Variants in MATK observed in about 807,000 individuals in gnomAD.
MATK encodes the protein megakaryocyte-associated tyrosine-protein kinase.
MATK carries 41 observed loss-of-function variants against 59.8 expected under a neutral mutation model. That is an observed-to-expected ratio of 0.69 (90% confidence interval 0.53 to 0.89). MATK has a LOEUF of 0.89. MATK is among the 40% of genes least tolerant of loss of function. The pLI, the probability that MATK is intolerant of heterozygous loss-of-function variation, is 0.00. For synonymous variants in MATK, 308 were observed against 306.1 expected (o/e 1.01, Z -0.06); for missense variants, 593 against 719.6 (o/e 0.82, Z 2.01).
chr19:3,785,321 G>A, intron 1 of MATK, 35 bp from the exon 2 acceptor site: 2 of 1,352,798 alleles, frequency 1.5e-6, no homozygotes, highest in African/African-American at 1.5e-5. Context: ...GGGGAAATAG[G>A]GATGAGTCAA....
intron 1 of MATK, among the ~76,000 whole-genome samples, chr19:3,791,935 C>G (rs2037546250): frequency 6.6e-6 from 1 of 152,000 alleles, no homozygotes; most frequent in South Asian, 2.1e-4. Context: ...TGGCAAAACC[C>G]CGTCTCTACT....
At chr19:3,782,807 A>C in intron 7 of MATK, 1 of 394,722 alleles carries the variant, frequency 2.5e-6, no homozygotes, top group Admixed American at 4.2e-5. Flanking sequence ...AGGGGAGGGG[A>C]GAAGATTCAC....
Position 3,779,418 on chromosome 19 carries a change from G to A in MATK, c.961C>T (p.Arg321Ter), listed in dbSNP as rs1319624554. Residue 321 changes from arginine to a stop codon, truncating the protein, a stop_gained, in exon 11 of 14, where the codon CGA (arginine) becomes TGA (stop). Transcript: ENST00000310132. LOFTEE classifies it high-confidence loss of function. Reference sequence around the variant, plus strand: ...AGCTGAGCGGTGTTCACGAGGGCTCGACCCCGGGTCCGCAGAAAGTTCACC... The same window carrying A: ...AGCTGAGCGGTGTTCACGAGGGCTCAACCCCGGGTCCGCAGAAAGTTCACC... ...NLVNFLRTRG[R>*]ALVNTAQLLQ... The A allele has an allele frequency of 1.9e-6, 3 of 1,613,272 alleles. No homozygotes were observed. Among genetic ancestry groups the A allele is most frequent in the Non-Finnish European group, 2.5e-6 (3 of 1,180,008 alleles).
chr19:3,793,190 T>G (rs1321543591), intron 1 of MATK: 1 of 152,224 alleles, frequency 6.6e-6, no homozygotes, highest in East Asian at 1.9e-4. Flanking sequence ...TCCTCGTCCT[T>G]AAGACGCAGC....
intron 1 of MATK, among the ~76,000 whole-genome samples, chr19:3,798,728 T>G (rs1221284893): frequency 6.6e-6 from 1 of 151,332 alleles, no homozygotes; most frequent in African/African-American, 2.4e-5. Flanking sequence ...GTCAGGCTGG[T>G]CCTGAACTCC....
In MATK at chr19:3,784,000, A is replaced by T. The variant is rs1412155491; in HGVS notation, c.396T>A (p.Ala132=). 2.5e-6 allele frequency: 4 copies of T among 1,610,208 alleles called. No individual in the cohort carries two copies. The African/African-American group carries it at 5.3e-5, about 22-fold the overall frequency. Residue 132 remains alanine (A), a synonymous_variant, in exon 6 of 14, where the codon GCT becomes GCA. Transcript: ENST00000310132. ...WFHGKISGQE[A]VQQLQPPEDG... ...CCTCGGGAGGCTGCAGCTGCTGGAC[A>T]GCCTCCTGGCCCGAGATCTTCCCGT...
chr19:3,780,341 C>A (rs938113884), intron 8 of MATK, among the ~76,000 whole-genome samples: 3 of 152,150 alleles, frequency 2.0e-5, no homozygotes, highest in Non-Finnish European at 4.4e-5. Flanking sequence ...GGTCTGTGAA[C>A]CCCCACCCCC....
chr19:3,788,097 T>TTTATATTATATTATA (rs71166928), upstream of MATK, among the ~76,000 whole-genome samples: 356 of 133,756 alleles, frequency 2.7e-3, no homozygotes, highest in Admixed American at 4.3e-3. Context: ...ATTATTAATA[T>TTTATATTATATTATA]TTATATTATA....
chr19:3,779,458 G>C lies in MATK; in HGVS notation c.928-7C>G, dbSNP rs201896435. ...GAAAGTTCACCAGGTTGCCCTGTTG[G>C]GGGTGGGAGATGGCCGCGGGATGTT... On this transcript the variant is annotated splice_region_variant and splice_polypyrimidine_tract_variant and intron_variant, in intron 10 of 13. Coordinates refer to ENST00000310132, the MANE Select transcript of MATK (RefSeq NM_139355.3). 64 of 1,613,072 alleles carry C rather than the reference G, an allele frequency of 4.0e-5. No individual in the cohort carries two copies. The East Asian group carries it at 1.1e-3, about 29-fold the overall frequency.
chr19:3,778,841 G>A (rs1468355379), intron 12 of MATK, 151 bp downstream of exon 12: 11 of 873,458 alleles, frequency 1.3e-5, no homozygotes, highest in Non-Finnish European at 1.5e-5. Context: ...CCCAGAGGGG[G>A]GCTACGAGGA....
rs2037482084 is a variant in MATK, at chr19:3,786,228, GCCGGCTGCACACCCCGAGGCGGTC to G, written c.-235_-212del. ...CCCGCCCCCAGGAGGGCCTCCGCGA[GCCGGCTGCACACCCCGAGGCGGTC>G]CCGGCTGCACAACTTGGAGCGAGTT... is the stretch of plus-strand genomic sequence containing the variant. On this transcript the variant is annotated 5_prime_UTR_variant, in exon 1 of 14. Transcript: ENST00000310132. The surrounding 1 kb of genome is among the most constrained non-coding windows in gnomAD (Gnocchi z 4.1). The G allele has an allele frequency of 3.0e-6, 3 of 985,278 alleles. No individual in the cohort carries two copies. The highest frequency in any genetic ancestry group is 3.5e-5 in the African/African-American group (2 of 57,320). 61.0% of individuals were successfully genotyped at this position (985,278 alleles called of 1,614,324 possible). A position where few individuals can be genotyped will look rare whatever the true frequency, so the allele number is the denominator to read the frequency against.
upstream of MATK, chr19:3,789,205 G>A: frequency 1.4e-6 from 1 of 721,828 alleles, no homozygotes; most frequent in Non-Finnish European, 2.6e-6. Flanking sequence ...ACCATCACTT[G>A]CCTGAACTAG....
intron 8 of MATK, 62 bp downstream of exon 8, chr19:3,781,545 C>A: frequency 6.4e-7 from 1 of 1,556,814 alleles, no homozygotes. Context: ...CTCTGTGACT[C>A]CAAAGCCTCA....
chr19:3,778,384 G>T lies in MATK; in HGVS notation c.1323C>A (p.Tyr441Ter). The change falls in exon 14 of 14, where the codon TAC becomes TAA. Residue 441 changes from tyrosine to a stop codon, truncating the protein, a stop_gained. Coordinates refer to ENST00000310132, the MANE Select transcript of MATK (RefSeq NM_139355.3). LOFTEE classifies it low-confidence loss of function (END_TRUNC). ...GACAGCCCTCGGGGGGTTCCATGCG[G>T]TACCCCTTCTCCACGGCCTCCGACA... ...KEVSEAVEKG[Y>*]RMEPPEGCPG... 1 of 1,611,476 alleles carries T rather than the reference G, an allele frequency of 6.2e-7. No homozygotes were observed. Among genetic ancestry groups the T allele is most frequent in the Non-Finnish European group, 8.5e-7 (1 of 1,179,306 alleles).
chr19:3,778,016 C>T lies in MATK; in HGVS notation c.*167G>A, dbSNP rs2037338955. The T allele has an allele frequency of 1.1e-6, 1 of 887,482 alleles. No individual in the cohort carries two copies. The highest frequency in any genetic ancestry group is 1.8e-5 in the African/African-American group (1 of 56,496). The allele number at this position is 887,482 out of a possible 1,614,324, so 55.0% of individuals were successfully genotyped here. ...TATCGGGCGATCATCCTTCGCAGGTCTGGGGTGTCCACGGGCCGCCCAGAG... is the reference window on the plus strand; with the variant it reads ...TATCGGGCGATCATCCTTCGCAGGTTTGGGGTGTCCACGGGCCGCCCAGAG... On this transcript the variant is annotated 3_prime_UTR_variant, in exon 14 of 14. Coordinates refer to ENST00000310132, the MANE Select transcript of MATK (RefSeq NM_139355.3).
chr19:3,799,161 G>C lies in MATK; in HGVS notation c.-58+2371C>G, dbSNP rs531560966. ...TGCCCTCCATGGCGCCTGGGTCCCT[G>C]TGCCTGAACCTTTCTGTGCAGCAAG... On this transcript the variant is annotated intron_variant, in intron 1 of 13. Transcript: ENST00000395045. 1.3e-4 allele frequency among the ~76,000 whole-genome samples: 20 copies of C among 152,174 alleles called. No homozygotes were observed. In the South Asian group the frequency reaches 2.1e-3, roughly 16 times the overall value.
chr19:3,796,946 C>A (rs955943009), intron 1 of MATK, among the ~76,000 whole-genome samples: 1 of 152,072 alleles, frequency 6.6e-6, no homozygotes, highest in Non-Finnish European at 1.5e-5. Context: ...CTTTGCCTGT[C>A]CCATGGTTAA....
rs1427032030 is a variant in MATK, at chr19:3,783,933, C to T, written c.463G>A (p.Asp155Asn). Reference protein sequence around the residue: ...LVRESARHPGDYVLCVSFGRD... With the variant: ...LVRESARHPGNYVLCVSFGRD... ...CCAAAGCTCACGCACAGGACGTAGT[C>T]GCCGGGGTGGCGCGCGGACTCCCGC... Residue 155 changes from aspartate to asparagine, a missense_variant, in exon 6 of 14, where the codon GAC (aspartate) becomes AAC (asparagine). By Grantham distance (23) the Asp-to-Asn change is conservative. Transcript: ENST00000310132. 6.2e-6 allele frequency: 10 copies of T among 1,612,618 alleles called. No individual in the cohort carries two copies. The highest frequency in any genetic ancestry group is 2.2e-5 in the East Asian group (1 of 44,888).
At position 3,779,799 on chromosome 19, in the gene MATK, TG is replaced by T. The variant is rs780756686; in HGVS notation, c.743-3del. 1.4e-5 allele frequency: 22 copies of T among 1,544,000 alleles called. No individual in the cohort carries two copies. The African/African-American group carries it at 2.2e-4, about 15-fold the overall frequency. On this transcript the variant is annotated splice_polypyrimidine_tract_variant and splice_region_variant and intron_variant, in intron 8 of 13. Coordinates refer to ENST00000310132, the MANE Select transcript of MATK (RefSeq NM_139355.3). ...CCAGGTACTCACCCTGCAGGACAGC[TG>T]GGGGGTGGGGGTGGGGAACGGGGTG... is the stretch of plus-strand genomic sequence containing the variant.
Sources: gnomAD v4.1 joint callset for allele counts (sites outside exome capture counted in the v4.1 genomes callset) on GRCh38, gnomAD v4.1.1 for gene constraint, Gnocchi (gnomAD v3.1) non-coding constraint, MANE v1.5 for transcripts, NCBI Gene and HGNC (gene_info 2026-07-23, HGNC 2026-07-21) for gene names.